C12orf42: variants seen among roughly 807,000 people sequenced by gnomAD.
C12orf42 encodes chromosome 12 open reading frame 42.
In C12orf42, 25 loss-of-function variants were observed where a neutral mutation model predicts 21.6. The ratio of observed to expected loss-of-function variants is 1.16; its 90% CI spans 0.84 to 1.62. C12orf42 has a LOEUF of 1.62. Ranked by LOEUF, C12orf42 falls within the 40% of genes most tolerant of loss-of-function variation. The pLI is 0.00. For missense variants in C12orf42, 483 were observed against 459.3 expected, an observed-to-expected ratio of 1.05 and a Z score of -0.47; for synonymous variants, 174 against 175.0, an observed-to-expected ratio of 0.99 and a Z score of 0.05.
At position 103,302,559 on chromosome 12, in the gene C12orf42, C is replaced by A; in HGVS notation, c.632G>T (p.Gly211Val). The change falls in exon 6 of 6, where the codon GGT becomes GTT. Residue 211 changes from glycine (G) to valine (V), a missense_variant and splice_region_variant. Physicochemically the swap from Gly to Val is moderately radical, Grantham distance 109 (BLOSUM62 -3). Coordinates refer to ENST00000548883, the MANE Select transcript of C12orf42 (RefSeq NM_198521.5). ...GGCAGTGGAAGGTCTGGCGGCAGAA[C>A]CTGGAAGGCAAAGCAGGAAAGCAGG... ...QPLSSPKKNS[G>V]SAARPSTAIG... 1 of 1,602,362 alleles carries A rather than the reference C, an allele frequency of 6.2e-7. No individual in the cohort carries two copies. Among genetic ancestry groups the A allele is most frequent in the East Asian group, 2.2e-5 (1 of 44,712 alleles).
intron 4 of C12orf42, among the ~76,000 whole-genome samples, chr12:103,280,433 C>T (rs2036037152): frequency 6.6e-6 from 1 of 152,186 alleles, no homozygotes; most frequent in Non-Finnish European, 1.5e-5. Flanking sequence ...GCCTGGCCAA[C>T]ATGGCGAAAC....
the C12orf42 span, among the ~76,000 whole-genome samples, chr12:103,185,674 T>C: frequency 6.6e-6 from 1 of 152,124 alleles, no homozygotes. Context: ...ATTTGAATCA[T>C]GGGGGTGGTT....
chr12:103,463,892 A>G (rs1025161789), intron 2 of C12orf42, among the ~76,000 whole-genome samples: 2 of 152,192 alleles, frequency 1.3e-5, no homozygotes, highest in African/African-American at 4.8e-5. Flanking sequence ...TGTCCCTGCA[A>G]AGGAAACAAT....
the C12orf42 span, among the ~76,000 whole-genome samples, chr12:103,191,743 T>TA: frequency 5.7e-5 from 7 of 122,084 alleles, no homozygotes; most frequent in Admixed American, 8.4e-5. Flanking sequence ...ACTCTGTGTC[T>TA]AAAAAAAAAA....
At chr12:103,340,074 C>T (rs1566108661) in intron 4 of C12orf42, among the ~76,000 whole-genome samples, 1 of 152,120 alleles carries the variant, frequency 6.6e-6, no homozygotes, top group Non-Finnish European at 1.5e-5. Flanking sequence ...TGCTGTGACA[C>T]AGGGAGGGAA....
At chr12:103,319,369 C>A (rs563940303) in intron 4 of C12orf42, among the ~76,000 whole-genome samples, 14 of 151,922 alleles carry the variant, frequency 9.2e-5, no homozygotes, top group Admixed American at 2.6e-4. Flanking sequence ...CACAGGGAGT[C>A]AGAAACAATT....
the C12orf42 span, among the ~76,000 whole-genome samples, chr12:103,224,674 G>C: frequency 6.6e-6 from 1 of 152,174 alleles, no homozygotes; most frequent in Non-Finnish European, 1.5e-5. Context: ...GAAGAAAATA[G>C]ATTTTGGAAG....
chr12:103,341,392 T>C (rs1403502879), intron 4 of C12orf42, among the ~76,000 whole-genome samples: 2 of 151,762 alleles, frequency 1.3e-5, no homozygotes, highest in South Asian at 2.1e-4. Context: ...AATAAGAATA[T>C]CAAGAAGTCC....
At chr12:103,388,128 G>A (rs1268694424) in intron 3 of C12orf42, among the ~76,000 whole-genome samples, 7 of 152,304 alleles carry the variant, frequency 4.6e-5, no homozygotes, top group Non-Finnish European at 7.3e-5. Flanking sequence ...CCCCTCCAGC[G>A]TGGAGCTTTG....
intron 3 of C12orf42, among the ~76,000 whole-genome samples, chr12:103,389,361 C>T (rs1455325097): frequency 6.6e-6 from 1 of 152,122 alleles, no homozygotes; most frequent in Non-Finnish European, 1.5e-5. Context: ...GACTCTGTTC[C>T]CCATCGTGAC....
chr12:103,211,626 T>C, the C12orf42 span, among the ~76,000 whole-genome samples: 513 of 152,272 alleles, frequency 3.4e-3, 1 homozygote, highest in African/African-American at 0.012. Context: ...AGGTCAGTTC[T>C]CCAGCCTTGA....
chr12:103,473,240 GCCT>G (rs982419522), intron 2 of C12orf42, among the ~76,000 whole-genome samples: 21 of 152,100 alleles, frequency 1.4e-4, no homozygotes, highest in African/African-American at 4.8e-4. Flanking sequence ...AATAGTACCT[GCCT>G]CCTATTTTTG....
chr12:103,385,867 G>A lies in C12orf42; in HGVS notation c.147+15740C>T, dbSNP rs143155687. On this transcript the variant is annotated intron_variant, in intron 3 of 5. Transcript: ENST00000548883. ...ATCAACCTTTGGTGATGGATATAAA[G>A]AGAACCTCAAAGGAAATTATTCACC... is the stretch of plus-strand genomic sequence containing the variant. 9.4e-3 allele frequency among the ~76,000 whole-genome samples: 1,430 copies of A among 152,234 alleles called. 12 individuals are homozygous for A. Among genetic ancestry groups the A allele is most frequent in the Non-Finnish European group, 0.01 (690 of 68,026 alleles).
chr12:103,509,486 G>C, the C12orf42 span, among the ~76,000 whole-genome samples: 2 of 152,146 alleles, frequency 1.3e-5, no homozygotes, highest in African/African-American at 4.8e-5. Flanking sequence ...GTAAAATACA[G>C]ATGATACTGC....
chr12:103,468,884 A>G (rs969559234), intron 2 of C12orf42, among the ~76,000 whole-genome samples: 2 of 152,190 alleles, frequency 1.3e-5, no homozygotes, highest in African/African-American at 2.4e-5. Flanking sequence ...TGATGACAGC[A>G]TTTTCATGGT....
Position 103,472,636 on chromosome 12 carries a change from A to G in C12orf42, c.78+5713T>C, listed in dbSNP as rs1414947285. 2.0e-5 allele frequency among the ~76,000 whole-genome samples: 3 copies of G among 152,336 alleles called. No homozygotes were observed. In the East Asian group the frequency reaches 5.8e-4, roughly 29 times the overall value. On this transcript the variant is annotated intron_variant, in intron 2 of 5. Transcript: ENST00000548883. Reference sequence around the variant, plus strand: ...GAGCATGAGAAAATTAGCTGGCCCAATCTCAGCACTTAGAATGATGGGAAA... The same window carrying G: ...GAGCATGAGAAAATTAGCTGGCCCAGTCTCAGCACTTAGAATGATGGGAAA...
the C12orf42 span, chr12:103,558,611 A>T: frequency 6.6e-6 from 1 of 152,150 alleles, no homozygotes; most frequent in Admixed American, 6.5e-5. Context: ...TATTCTGTTT[A>T]TTTCCTTCAT....
the C12orf42 span, among the ~76,000 whole-genome samples, chr12:103,172,531 G>A: frequency 2.0e-5 from 3 of 152,000 alleles, no homozygotes; most frequent in Non-Finnish European, 2.9e-5. Flanking sequence ...CACTATTTAT[G>A]GATGAGGAAA....
At chr12:103,429,351 A>G (rs916352800) in intron 2 of C12orf42, among the ~76,000 whole-genome samples, 3 of 152,246 alleles carry the variant, frequency 2.0e-5, no homozygotes, top group Admixed American at 2.0e-4. Flanking sequence ...CCAAATCATG[A>G]GTGAACTCCC....
Sources: allele counts gnomAD v4.1 joint callset (sites outside exome capture counted in the v4.1 genomes callset), GRCh38; gene constraint gnomAD v4.1.1; transcripts MANE v1.5; gene names NCBI Gene and HGNC (gene_info 2026-07-23, HGNC 2026-07-21).